The following RBFOX1 variants were observed in gnomAD, a reference collection of about 807,000 sequenced individuals.
The protein encoded by RBFOX1 is RNA binding protein fox-1 homolog 1.
In RBFOX1, 8 loss-of-function variants were observed where a neutral mutation model predicts 57.7. That is an observed-to-expected ratio of 0.14 (90% CI 0.08 to 0.25). RBFOX1 has a LOEUF of 0.25. Among genes scored for constraint, RBFOX1 ranks in the 10% least tolerant of loss-of-function variants. The probability of loss-of-function intolerance (pLI) is 1.00; values close to 1 mark genes in which losing one functional copy is unlikely to be tolerated. For synonymous variants in RBFOX1, 326 were observed against 222.4 expected (o/e 1.47, Z -4.15); for missense variants, 611 against 548.5 (o/e 1.11, Z -1.14).
intron 1 of RBFOX1, among the ~76,000 whole-genome samples, chr16:5,256,833 C>G (rs1662693715): frequency 1.3e-5 from 2 of 151,866 alleles, no homozygotes; most frequent in African/African-American, 4.8e-5. Flanking sequence ...ACTCGGGAGG[C>G]TGAGGCACAA....
At chr16:6,666,198 G>C (rs1184740171) in intron 3 of RBFOX1, among the ~76,000 whole-genome samples, 1 of 152,184 alleles carries the variant, frequency 6.6e-6, no homozygotes, top group Non-Finnish European at 1.5e-5. Context: ...AGGTACATCT[G>C]TATCAGCAGC....
At chr16:6,305,142 C>A (rs1402984416) in intron 1 of RBFOX1, among the ~76,000 whole-genome samples, 1 of 152,188 alleles carries the variant, frequency 6.6e-6, no homozygotes, top group Non-Finnish European at 1.5e-5. Context: ...TATCCCAAAT[C>A]CTTCCACGGG....
chr16:7,073,826 C>T (rs2057808775), intron 4 of RBFOX1, among the ~76,000 whole-genome samples: 1 of 152,026 alleles, frequency 6.6e-6, no homozygotes, highest in South Asian at 2.1e-4. Context: ...GACTGCACTC[C>T]AGCCTGGGTG....
intron 4 of RBFOX1, among the ~76,000 whole-genome samples, chr16:7,369,525 C>T (rs1055695245): frequency 5.3e-5 from 8 of 152,154 alleles, no homozygotes; most frequent in Non-Finnish European, 1.2e-4. Context: ...TTACTCTTTA[C>T]ATGGTTCTAG....
intron 1 of RBFOX1, among the ~76,000 whole-genome samples, chr16:6,125,169 C>G (rs529020824): frequency 6.6e-6 from 1 of 152,308 alleles, no homozygotes; most frequent in South Asian, 2.1e-4. Context: ...GCTCCCTGTG[C>G]ATGTGTTACC....
chr16:5,678,879 A>G (rs1201507195), intron 3 of RBFOX1, among the ~76,000 whole-genome samples: 1 of 152,204 alleles, frequency 6.6e-6, no homozygotes, highest in Non-Finnish European at 1.5e-5. Flanking sequence ...GACCCAGCTC[A>G]TGGGTAAGGA....
intron 11 of RBFOX1, among the ~76,000 whole-genome samples, chr16:7,634,940 G>A (rs1473383292): frequency 6.6e-6 from 1 of 152,122 alleles, no homozygotes; most frequent in Non-Finnish European, 1.5e-5. Context: ...TTTTTCAATA[G>A]GCTTTCAATA....
At chr16:5,798,205 T>C (rs1166993774) in intron 3 of RBFOX1, among the ~76,000 whole-genome samples, 1 of 152,226 alleles carries the variant, frequency 6.6e-6, no homozygotes, top group Non-Finnish European at 1.5e-5. Context: ...TAAAAAGTGA[T>C]TGGACATAGC....
At chr16:6,589,928 G>A (rs1207544106) in intron 2 of RBFOX1, among the ~76,000 whole-genome samples, 1 of 152,138 alleles carries the variant, frequency 6.6e-6, no homozygotes, top group African/African-American at 2.4e-5. Flanking sequence ...TCCACCTGTA[G>A]CTACATCATG....
intron 4 of RBFOX1, among the ~76,000 whole-genome samples, chr16:7,501,136 C>T (rs546854668): frequency 1.3e-5 from 2 of 152,294 alleles, no homozygotes; most frequent in South Asian, 4.1e-4. Flanking sequence ...AGTGTGAGAA[C>T]AGACTAATAT....
intron 3 of RBFOX1, among the ~76,000 whole-genome samples, chr16:6,662,211 C>T (rs1272035466): frequency 6.6e-6 from 1 of 151,974 alleles, no homozygotes; most frequent in Non-Finnish European, 1.5e-5. Flanking sequence ...AACTAATGTA[C>T]AGCACAGTGA....
intron 1 of RBFOX1, among the ~76,000 whole-genome samples, chr16:5,394,069 G>T (rs1004648429): frequency 5.9e-5 from 9 of 151,668 alleles, no homozygotes; most frequent in African/African-American, 2.2e-4. Context: ...TGTTGCCCAT[G>T]TTGGAGTGCA....
At chr16:6,466,180 AG>A (rs1260101313) in intron 2 of RBFOX1, among the ~76,000 whole-genome samples, 3 of 151,260 alleles carry the variant, frequency 2.0e-5, no homozygotes, top group Admixed American at 6.6e-5. Flanking sequence ...AAGTGAGCTG[AG>A]GTTGCACCAC....
Position 6,654,660 on chromosome 16 carries a change from T to C in RBFOX1, c.-16+10T>C. On this transcript the variant is annotated intron_variant, in intron 3 of 15. Transcript: ENST00000550418. ...AATAGAAGACAGAAAGGTGAGTCAA[T>C]ATTTTTCATTTTTAGGGTTGCAAAC... The C allele has an allele frequency of 1.3e-6, 2 of 1,505,304 alleles. No homozygotes were observed. The highest frequency in any genetic ancestry group is 1.4e-5 in the African/African-American group (1 of 71,084). The allele number at this position is 1,505,304 out of a possible 1,614,324, so 93.2% of individuals were successfully genotyped here.
chr16:7,350,110 G>A (rs1038136164), intron 4 of RBFOX1, among the ~76,000 whole-genome samples: 1 of 152,088 alleles, frequency 6.6e-6, no homozygotes, highest in Non-Finnish European at 1.5e-5. Context: ...TCAGGCCACT[G>A]TACTCCAGCT....
intron 4 of RBFOX1, among the ~76,000 whole-genome samples, chr16:7,199,054 G>A (rs1254880991): frequency 6.6e-6 from 1 of 152,192 alleles, no homozygotes; most frequent in Non-Finnish European, 1.5e-5. Context: ...GACAAGGGAA[G>A]TAAGAATATC....
At chr16:6,860,000 T>C (rs564265034) in intron 3 of RBFOX1, among the ~76,000 whole-genome samples, 1 of 152,310 alleles carries the variant, frequency 6.6e-6, no homozygotes, top group East Asian at 1.9e-4. Flanking sequence ...GCTCATTGAC[T>C]GTAAAGTGTA....
chr16:6,125,609 G>A (rs528705922), intron 1 of RBFOX1, among the ~76,000 whole-genome samples: 1 of 152,334 alleles, frequency 6.6e-6, no homozygotes, highest in East Asian at 1.9e-4. Flanking sequence ...TGTACCCAAA[G>A]CAGATGCAGC....
At chr16:5,519,068 C>G (rs1393280870) in intron 2 of RBFOX1, among the ~76,000 whole-genome samples, 2 of 152,154 alleles carry the variant, frequency 1.3e-5, no homozygotes, top group African/African-American at 4.8e-5. Context: ...GAGAAGCCAT[C>G]TTCAGGCCAA....
Sources: allele counts gnomAD v4.1 joint callset (sites outside exome capture counted in the v4.1 genomes callset), GRCh38; gene constraint gnomAD v4.1.1; transcripts MANE v1.5; gene names NCBI Gene and HGNC (gene_info 2026-07-23, HGNC 2026-07-21).